PRICKLE2: variants seen among roughly 807,000 people sequenced by gnomAD.
PRICKLE2 encodes the protein prickle-like protein 2.
A neutral mutation model predicts 81.4 loss-of-function variants in PRICKLE2; 21 were observed. That is an observed-to-expected ratio of 0.26 (90% CI 0.18 to 0.37). The LOEUF (loss-of-function observed/expected upper bound fraction) is 0.37. Ranked by LOEUF, PRICKLE2 falls within the 10% of genes least tolerant of loss-of-function variation. The pLI is 1.00. For synonymous variants in PRICKLE2, 456 were observed against 421.5 expected, an observed-to-expected ratio of 1.08 and a Z score of -1.00; for missense variants, 940 against 1,109.0, an observed-to-expected ratio of 0.85 and a Z score of 2.16.
At chr3:64,111,666 A>G (rs1012773574) in intron 7 of PRICKLE2, among the ~76,000 whole-genome samples, 2 of 152,274 alleles carry the variant, frequency 1.3e-5, no homozygotes, top group African/African-American at 4.8e-5. Flanking sequence ...CAGATATAAA[A>G]TAACATGTAC....
At chr3:64,208,884 C>A (rs1166295124) in intron 1 of PRICKLE2, among the ~76,000 whole-genome samples, 1 of 152,182 alleles carries the variant, frequency 6.6e-6, no homozygotes, top group Non-Finnish European at 1.5e-5. Flanking sequence ...TATTCCTTCT[C>A]TTATTCCATC....
rs755337354 is a variant in PRICKLE2 at position 64,163,040 on chromosome 3, G to T, written c.234C>A (p.His78Gln). ...GEKLRIKQLL[H>Q]QLPPHDNEVR... The stretch of plus-strand genomic sequence containing the variant: ...CCTCATTGTCATGTGGCGGCAGCTG[G>T]TGTAGTAGCTGCTTGATTCGCAGTT... Residue 78 changes from histidine (H) to glutamine (Q), a missense_variant, in exon 3 of 8, where the codon CAC (histidine) becomes CAA (glutamine). Around this residue, in one of 2 missense-constraint regions of PRICKLE2, gnomAD observed 270 missense variants for 391.8 expected, o/e 0.69. Transcript: ENST00000638394. The T allele has an allele frequency of 1.2e-6, 2 of 1,613,066 alleles. No homozygotes were observed. The highest frequency in any genetic ancestry group is 1.1e-5 in the South Asian group (1 of 91,064).
At chr3:64,229,665 T>C (rs1463306812), upstream of PRICKLE2, among the ~76,000 whole-genome samples, 1 of 152,224 alleles carries the variant, frequency 6.6e-6, no homozygotes, top group Non-Finnish European at 1.5e-5. Context: ...GGCCCTGCTA[T>C]TGGGAAATTC....
intron 7 of PRICKLE2, among the ~76,000 whole-genome samples, chr3:64,135,373 G>C (rs2077261908): frequency 6.6e-6 from 1 of 152,120 alleles, no homozygotes; most frequent in South Asian, 2.1e-4. Context: ...CTAAATCCTT[G>C]GGTAACAAAG....
intron 7 of PRICKLE2, among the ~76,000 whole-genome samples, chr3:64,119,097 A>G (rs1210755515): frequency 6.6e-6 from 1 of 152,154 alleles, no homozygotes; most frequent in African/African-American, 2.4e-5. Flanking sequence ...GGAGGCCATT[A>G]TTCTTAGCAA....
chr3:64,118,785 C>T (rs1096169), intron 7 of PRICKLE2, among the ~76,000 whole-genome samples: 13 of 151,894 alleles, frequency 8.6e-5, no homozygotes, highest in African/African-American at 2.7e-4. Context: ...GTGAGGGTGT[C>T]GATTAGTTCA....
chr3:64,135,709 CACA>C (rs2077267473), intron 7 of PRICKLE2, among the ~76,000 whole-genome samples: 2 of 151,628 alleles, frequency 1.3e-5, no homozygotes, highest in Non-Finnish European at 2.9e-5. Context: ...CACACACACA[CACA>C]CACACACACA....
intron 2 of PRICKLE2, among the ~76,000 whole-genome samples, chr3:64,230,932 T>C (rs1031372294): frequency 4.6e-5 from 7 of 152,230 alleles, no homozygotes; most frequent in African/African-American, 2.4e-5. Context: ...AAACTGTTCA[T>C]GATAACATAA....
intron 2 of PRICKLE2, among the ~76,000 whole-genome samples, chr3:64,246,039 G>T (rs917623644): frequency 6.6e-6 from 1 of 152,118 alleles, no homozygotes; most frequent in African/African-American, 2.4e-5. Context: ...GAGGCCAGGA[G>T]TTCGAGACCA....
chr3:64,243,049 T>A (rs186465865), intron 2 of PRICKLE2, among the ~76,000 whole-genome samples: 1 of 152,294 alleles, frequency 6.6e-6, no homozygotes, highest in African/African-American at 2.4e-5. Context: ...TGGACTTAGG[T>A]CTGTCTTATA....
intron 3 of PRICKLE2, among the ~76,000 whole-genome samples, chr3:64,162,589 G>A (rs896496821): frequency 2.0e-5 from 3 of 152,166 alleles, no homozygotes; most frequent in Admixed American, 6.5e-5. Flanking sequence ...AAACTTGCAC[G>A]CTCATTTAAT....
Position 64,146,889 on chromosome 3 carries a change from G to A in PRICKLE2, c.1601C>T (p.Thr534Met), listed in dbSNP as rs559885674. ...ISSLKYTEDM[T>M]PTEQTPRGSM... ...GCCCCGAGGGGTCTGCTCTGTGGGCGTCATGTCCTCTGTGTATTTCAGGGA... is the reference window on the plus strand; with the variant it reads ...GCCCCGAGGGGTCTGCTCTGTGGGCATCATGTCCTCTGTGTATTTCAGGGA... Residue 534 changes from threonine (T) to methionine (M), a missense_variant, in exon 7 of 8, where the codon ACG becomes ATG. Thr to Met is a moderately conservative substitution (Grantham distance 81, BLOSUM62 -1). This residue lies in a region of PRICKLE2 where 670 missense variants were observed against 717.2 expected (regional missense o/e 0.93). Coordinates refer to ENST00000638394, the MANE Select transcript of PRICKLE2 (RefSeq NM_198859.4). The A allele has an allele frequency of 1.9e-5, 31 of 1,614,162 alleles. No homozygotes were observed. In the African/African-American group the frequency reaches 2.7e-4, roughly 14 times the overall value.
At chr3:64,134,466 T>G (rs1575575974) in intron 7 of PRICKLE2, among the ~76,000 whole-genome samples, 1 of 152,214 alleles carries the variant, frequency 6.6e-6, no homozygotes, top group East Asian at 1.9e-4. Context: ...CACTGCTGGC[T>G]TATGGAGCTG....
intron 7 of PRICKLE2, chr3:64,146,572 G>A: frequency 2.3e-6 from 1 of 437,588 alleles, no homozygotes; most frequent in Non-Finnish European, 4.2e-6. Flanking sequence ...TGAAACACGT[G>A]TGTACTAAAA....
chr3:64,263,295 G>A (rs1027438699), intron 2 of PRICKLE2, among the ~76,000 whole-genome samples: 3 of 152,140 alleles, frequency 2.0e-5, no homozygotes, highest in South Asian at 2.1e-4. Flanking sequence ...AGAAAGGGTC[G>A]ACATGAACAT....
rs899699812 is a variant in PRICKLE2 at position 64,113,386 on chromosome 3, G to A, written c.1661-13461C>T. On this transcript the variant is annotated intron_variant, in intron 7 of 7. Coordinates refer to ENST00000638394, the MANE Select transcript of PRICKLE2 (RefSeq NM_198859.4). ...CCCCTTAGTCTGTTGGCCTCTTCTG[G>A]GGCCCCAGCCTGGCCACACCTGCTT... is the stretch of plus-strand genomic sequence containing the variant. 2.6e-5 allele frequency among the ~76,000 whole-genome samples: 4 copies of A among 152,232 alleles called. 1 individual carries two copies. The Middle Eastern group carries it at 0.01, about 388-fold the overall frequency.
intron 2 of PRICKLE2, among the ~76,000 whole-genome samples, chr3:64,238,480 C>A (rs537252465): frequency 7.2e-5 from 7 of 96,974 alleles, no homozygotes; most frequent in African/African-American, 2.4e-4. Flanking sequence ...AACGAGACTC[C>A]GTCTCAAAAA....
At chr3:64,198,669 T>A in intron 2 of PRICKLE2, 115 bp downstream of exon 2, 1 of 1,173,270 alleles carries the variant, frequency 8.5e-7, no homozygotes, top group South Asian at 1.2e-5. Flanking sequence ...TATTTAGCCC[T>A]ACCACTTCTC....
intron 6 of PRICKLE2, among the ~76,000 whole-genome samples, chr3:64,150,071 C>A (rs1466961863): frequency 4.2e-5 from 6 of 141,928 alleles, no homozygotes; most frequent in African/African-American, 1.3e-4. Flanking sequence ...GGGCTAGAAA[C>A]AGACAACCCC....
Sources: allele counts gnomAD v4.1 joint callset (sites outside exome capture counted in the v4.1 genomes callset), GRCh38; gene constraint gnomAD v4.1.1; regional missense constraint gnomAD v4.1.1; transcripts MANE v1.5; gene names NCBI Gene and HGNC (gene_info 2026-07-23, HGNC 2026-07-21).